Variants in SMAD2 observed in about 807,000 individuals in gnomAD.
SMAD2 encodes the protein MAD homolog 2.
A neutral mutation model predicts 64.4 loss-of-function variants in SMAD2; 8 were observed. The ratio of observed to expected loss-of-function variants is 0.12; its 90% CI spans 0.07 to 0.22. The LOEUF (loss-of-function observed/expected upper bound fraction) is 0.22. Among genes scored for constraint, SMAD2 ranks in the 10% least tolerant of loss-of-function variants. SMAD2 has a pLI of 1.00. For missense variants in SMAD2, 289 were observed against 561.2 expected, an observed-to-expected ratio of 0.51 and a Z score of 4.90; for synonymous variants, 203 against 195.8, an observed-to-expected ratio of 1.04 and a Z score of -0.31.
intron 2 of SMAD2, among the ~76,000 whole-genome samples, chr18:47,885,666 C>T (rs1035672016): frequency 6.6e-6 from 1 of 152,002 alleles, no homozygotes; most frequent in African/African-American, 2.4e-5. Context: ...AACAATACAA[C>T]AATGAAGAAT....
chr18:47,878,076 G>C (rs894830921), intron 2 of SMAD2, among the ~76,000 whole-genome samples: 1 of 152,006 alleles, frequency 6.6e-6, no homozygotes, highest in African/African-American at 2.4e-5. Context: ...TGTGCATTCC[G>C]GTATGTCAGG....
At position 47,817,782 on chromosome 18, in the gene SMAD2, A is replaced by G. The variant is rs919826233; in HGVS notation, c.*24045T>C. 4 of 152,244 alleles carry G rather than the reference A, an allele frequency of 2.6e-5. No individual in the cohort carries two copies. Among genetic ancestry groups the G allele is most frequent in the Admixed American group, 1.3e-4 (2 of 15,288 alleles). The allele number at this position is 152,244 out of a possible 1,614,324, so 9.4% of individuals were successfully genotyped here. A position where few individuals can be genotyped will look rare whatever the true frequency, so the allele number is the denominator to read the frequency against. On this transcript the variant is annotated 3_prime_UTR_variant, in exon 11 of 11. Coordinates refer to ENST00000262160, the MANE Select transcript of SMAD2 (RefSeq NM_005901.6). The stretch of plus-strand genomic sequence containing the variant: ...TGGCTCTTTTCCCCTGTTTCTGAAC[A>G]TCTCCCAAGAGCAAAAATAAACATT...
In SMAD2 at chr18:47,896,669, C is replaced by T. The variant is rs2033450905; in HGVS notation, c.88G>A (p.Gly30Arg). Residue 30 changes from glycine to arginine, a missense_variant, in exon 2 of 11, where the codon GGA (glycine) becomes AGA (arginine). Around this residue, in one of 6 missense-constraint regions of SMAD2, gnomAD observed 89 missense variants for 137.1 expected, o/e 0.65. Transcript: ENST00000262160. ...TCTTCCTGCCCATTCTGCTCTCCTC[C>T]GCCTGCTCCTCCAGACCCACCAGCT... ...KSAGGSGGAG[G>R]GEQNGQEEKW... The T allele has an allele frequency of 1.2e-6, 2 of 1,614,008 alleles. No homozygotes were observed. The highest frequency in any genetic ancestry group is 1.3e-5 in the African/African-American group (1 of 74,908).
chr18:47,869,058 G>T (rs2031769685), intron 4 of SMAD2, among the ~76,000 whole-genome samples, 185 bp downstream of exon 4: 1 of 152,062 alleles, frequency 6.6e-6, no homozygotes, highest in African/African-American at 2.4e-5. Context: ...CCAAGAAACA[G>T]ATATGTTTTC....
At chr18:47,926,308 A>T (rs950733406) in intron 1 of SMAD2, among the ~76,000 whole-genome samples, 4 of 152,220 alleles carry the variant, frequency 2.6e-5, no homozygotes, top group African/African-American at 9.6e-5. Context: ...TGCACTCTTA[A>T]AAAGATTTTC....
At chr18:47,883,254 T>C (rs2032711702) in intron 2 of SMAD2, among the ~76,000 whole-genome samples, 1 of 152,230 alleles carries the variant, frequency 6.6e-6, no homozygotes, top group South Asian at 2.1e-4. Flanking sequence ...ACCTCATTTT[T>C]CCCCTGAATA....
intron 1 of SMAD2, among the ~76,000 whole-genome samples, chr18:47,921,082 T>C (rs943126278): frequency 3.3e-5 from 5 of 152,156 alleles, no homozygotes; most frequent in Admixed American, 3.3e-4. Flanking sequence ...ACTTGACCCC[T>C]GGCAGTCAAG....
rs1022033322 is a variant in SMAD2, at chr18:47,839,787, A to T, written c.*2040T>A. 2 of 233,134 alleles carry T rather than the reference A, an allele frequency of 8.6e-6. No individual in the cohort carries two copies. Among genetic ancestry groups the T allele is most frequent in the Non-Finnish European group, 1.7e-5 (2 of 118,048 alleles). The allele number at this position is 233,134 out of a possible 1,614,324, so 14.4% of individuals were successfully genotyped here. Reference sequence around the variant, plus strand: ...TGTGAACCTTTTTGCATTTGATGCTATTCTCTTTGCCAGGAATGCTTATCT... The same window carrying T: ...TGTGAACCTTTTTGCATTTGATGCTTTTCTCTTTGCCAGGAATGCTTATCT... On this transcript the variant is annotated 3_prime_UTR_variant, in exon 11 of 11. Coordinates refer to ENST00000262160, the MANE Select transcript of SMAD2 (RefSeq NM_005901.6).
Position 47,838,677 on chromosome 18 carries a change from CT to C in SMAD2, c.*3149del, listed in dbSNP as rs1913662036. ...CCAGTGGTTATAAAGACTTTCTGAG[CT>C]TCTTTTTAAAGCAATGAAACTCTTT... On this transcript the variant is annotated 3_prime_UTR_variant, in exon 11 of 11. Coordinates refer to ENST00000262160, the MANE Select transcript of SMAD2 (RefSeq NM_005901.6). The C allele has an allele frequency of 3.4e-5, 8 of 232,658 alleles. No individual in the cohort carries two copies. Among genetic ancestry groups the C allele is most frequent in the Non-Finnish European group, 5.9e-5 (7 of 117,698 alleles). The allele number at this position is 232,658 out of a possible 1,614,324, so 14.4% of individuals were successfully genotyped here.
rs1240985748 is a variant in SMAD2, at chr18:47,832,814, T to C, written c.*9013A>G. The C allele has an allele frequency of 6.6e-6, 1 of 152,390 alleles. No individual in the cohort carries two copies. Among genetic ancestry groups the C allele is most frequent in the Non-Finnish European group, 1.5e-5 (1 of 68,164 alleles). The allele number at this position is 152,390 out of a possible 1,614,324, so 9.4% of individuals were successfully genotyped here. A position where few individuals can be genotyped will look rare whatever the true frequency, so the allele number is the denominator to read the frequency against. On this transcript the variant is annotated 3_prime_UTR_variant, in exon 11 of 11. Coordinates refer to ENST00000262160, the MANE Select transcript of SMAD2 (RefSeq NM_005901.6). The stretch of plus-strand genomic sequence containing the variant: ...TAGCATAGGCAAACTCTGAAATAAA[T>C]AAAAATGTATAAATAGCACTGTGCA...
intron 2 of SMAD2, among the ~76,000 whole-genome samples, chr18:47,882,040 G>GTTTTTT (rs1568078973): frequency 2.7e-5 from 1 of 37,326 alleles, no homozygotes; most frequent in Non-Finnish European, 5.6e-5. Flanking sequence ...ACCACGCTTG[G>GTTTTTT]CTTTTTTTTT....
intron 2 of SMAD2, among the ~76,000 whole-genome samples, chr18:47,879,940 A>C (rs2032491301): frequency 6.6e-6 from 1 of 152,148 alleles, no homozygotes; most frequent in Admixed American, 6.5e-5. Flanking sequence ...AAGCCTACCG[A>C]TATTACACAT....
chr18:47,851,445 C>A, intron 6 of SMAD2, 118 bp from the exon 7 acceptor site: 2 of 670,772 alleles, frequency 3.0e-6, no homozygotes, highest in Non-Finnish European at 2.6e-6. Flanking sequence ...AATTTAAATA[C>A]CAAGAATTCA....
chr18:47,836,378 G>A lies in SMAD2; in HGVS notation c.*5449C>T, dbSNP rs1426170203. 6 of 221,816 alleles carry A rather than the reference G, an allele frequency of 2.7e-5. No homozygotes were observed. In the East Asian group the frequency reaches 4.0e-4, roughly 15 times the overall value. 13.7% of individuals were successfully genotyped at this position (221,816 alleles called of 1,614,324 possible). A position where few individuals can be genotyped will look rare whatever the true frequency, so the allele number is the denominator to read the frequency against. ...GGTATATGGCAGAGCTTTCTTTGAT[G>A]TTAACAAATTTTGGCTGTGATTCTT... On this transcript the variant is annotated 3_prime_UTR_variant, in exon 11 of 11. Transcript: ENST00000262160.
chr18:47,880,613 T>G (rs895959810), intron 2 of SMAD2, among the ~76,000 whole-genome samples: 13 of 152,214 alleles, frequency 8.5e-5, no homozygotes, highest in Non-Finnish European at 1.0e-4. Flanking sequence ...GCATGGTAAT[T>G]CCAACATGTA....
chr18:47,885,412 C>T (rs966537772), intron 2 of SMAD2, among the ~76,000 whole-genome samples: 1 of 152,156 alleles, frequency 6.6e-6, no homozygotes, highest in Non-Finnish European at 1.5e-5. Flanking sequence ...AAGTGACCCA[C>T]CTGCCTCAGC....
chr18:47,852,217 A>G (rs1213769656), intron 6 of SMAD2, among the ~76,000 whole-genome samples: 1 of 152,170 alleles, frequency 6.6e-6, no homozygotes, highest in Admixed American at 6.5e-5. Flanking sequence ...GGTATGAGCT[A>G]CAAATATTTA....
At chr18:47,868,796 G>A (rs561578875) in intron 4 of SMAD2, among the ~76,000 whole-genome samples, 8 of 152,158 alleles carry the variant, frequency 5.3e-5, no homozygotes, top group African/African-American at 1.9e-4. Flanking sequence ...TTCCAAAAAC[G>A]CAGCTACTGC....
In SMAD2 at chr18:47,823,868, A is replaced by C. The variant is rs1912657342; in HGVS notation, c.*17959T>G. 6.6e-6 allele frequency: 1 copy of C among 152,218 alleles called. No homozygotes were observed. The highest frequency in any genetic ancestry group is 2.4e-5 in the African/African-American group (1 of 41,454). 9.4% of individuals were successfully genotyped at this position (152,218 alleles called of 1,614,324 possible). On this transcript the variant is annotated 3_prime_UTR_variant, in exon 11 of 11. Transcript: ENST00000262160. The stretch of plus-strand genomic sequence containing the variant: ...GTTATTTGCCAAATTTTCTGCAGAA[A>C]GAAGTACAATTCCTAACAGAATAAT...
Sources: allele counts gnomAD v4.1 joint callset (sites outside exome capture counted in the v4.1 genomes callset), GRCh38; gene constraint gnomAD v4.1.1; regional missense constraint gnomAD v4.1.1; transcripts MANE v1.5; gene names NCBI Gene and HGNC (gene_info 2026-07-23, HGNC 2026-07-21).